The following NEGR1 variants were observed in gnomAD, a reference collection of about 807,000 sequenced individuals.
NEGR1 encodes the protein IgLON family member 4.
NEGR1 carries 10 observed loss-of-function variants against 40.9 expected under a neutral mutation model. The ratio of observed to expected loss-of-function variants is 0.24; its 90% confidence interval spans 0.15 to 0.42. The LOEUF is 0.42. Among genes scored for constraint, NEGR1 ranks in the 10% least tolerant of loss-of-function variants. NEGR1 has a pLI of 1.00. For synonymous variants in NEGR1, 185 were observed against 166.8 expected, an observed-to-expected ratio of 1.11 and a Z score of -0.84; for missense variants, 352 against 438.9, an observed-to-expected ratio of 0.80 and a Z score of 1.77.
At chr1:71,829,873 T>C (rs919618625) in intron 2 of NEGR1, among the ~76,000 whole-genome samples, 1 of 151,974 alleles carries the variant, frequency 6.6e-6, no homozygotes, top group African/African-American at 2.4e-5. Flanking sequence ...GCACAGCCTT[T>C]TATTACTTAA....
intron 1 of NEGR1, among the ~76,000 whole-genome samples, chr1:72,089,245 C>T (rs1648357065): frequency 6.6e-6 from 1 of 152,106 alleles, no homozygotes; most frequent in Non-Finnish European, 1.5e-5. Flanking sequence ...CTAGCTACCA[C>T]TTATAACAAC....
At chr1:71,529,272 G>A (rs1039872558) in intron 6 of NEGR1, among the ~76,000 whole-genome samples, 1 of 151,186 alleles carries the variant, frequency 6.6e-6, no homozygotes, top group Non-Finnish European at 1.5e-5. Context: ...ATGAAGCTAA[G>A]TGAATACTGG....
intron 3 of NEGR1, among the ~76,000 whole-genome samples, chr1:71,761,363 C>A (rs557978767): frequency 6.6e-6 from 1 of 152,224 alleles, no homozygotes; most frequent in African/African-American, 2.4e-5. Context: ...GACACTTTGG[C>A]CCATAGGCTT....
chr1:71,471,613 C>T (rs144719760), intron 6 of NEGR1, among the ~76,000 whole-genome samples: 1,883 of 151,966 alleles, frequency 0.012, 44 homozygotes, highest in African/African-American at 0.044. Context: ...CCAGCCTGGG[C>T]GACAGAGTGA....
At chr1:71,937,538 A>G (rs989695765) in intron 1 of NEGR1, among the ~76,000 whole-genome samples, 1 of 152,212 alleles carries the variant, frequency 6.6e-6, no homozygotes, top group Non-Finnish European at 1.5e-5. Flanking sequence ...CTTGATCACT[A>G]GAAAATAAAT....
intron 1 of NEGR1, among the ~76,000 whole-genome samples, chr1:71,946,160 C>A (rs1193121833): frequency 6.6e-6 from 1 of 152,060 alleles, no homozygotes; most frequent in Non-Finnish European, 1.5e-5. Context: ...GCGATCCACC[C>A]GCCTTAGCCT....
At chr1:72,190,933 T>G (rs938212863) in intron 1 of NEGR1, among the ~76,000 whole-genome samples, 2 of 151,738 alleles carry the variant, frequency 1.3e-5, no homozygotes, top group Non-Finnish European at 3.0e-5. Context: ...ACTCTTTAGT[T>G]TTTATTTCAC....
At chr1:71,836,436 A>C (rs1007172630) in intron 2 of NEGR1, among the ~76,000 whole-genome samples, 3 of 146,252 alleles carry the variant, frequency 2.1e-5, no homozygotes, top group African/African-American at 7.5e-5. Flanking sequence ...CTCAAAAAAA[A>C]AACAAAAAAA....
Position 71,510,200 on chromosome 1 carries a change from T to C in NEGR1, c.940+82617A>G, listed in dbSNP as rs529635885. ...CAGTGGGATGTTGTATTATCCCTTG[T>C]GTAAGGGGACTAGCACAGAGATTAA... On this transcript the variant is annotated intron_variant, in intron 6 of 6. Coordinates refer to ENST00000357731, the MANE Select transcript of NEGR1 (RefSeq NM_173808.3). 5.9e-5 allele frequency among the ~76,000 whole-genome samples: 9 copies of C among 152,330 alleles called. No homozygotes were observed. The South Asian group carries it at 1.7e-3, about 28-fold the overall frequency.
At position 72,070,520 on chromosome 1, in the gene NEGR1, A is replaced by G. The variant is rs370847512; in HGVS notation, c.177-135209T>C. ...GTAGTAGAAGTTTTGGAAATGATAA[A>G]AAATAGAGAGCTATATTTATGAAGT... is the stretch of plus-strand genomic sequence containing the variant. On this transcript the variant is annotated intron_variant, in intron 1 of 6. Coordinates refer to ENST00000357731, the MANE Select transcript of NEGR1 (RefSeq NM_173808.3). 4.6e-5 allele frequency among the ~76,000 whole-genome samples: 7 copies of G among 152,068 alleles called. No homozygotes were observed. In the South Asian group the frequency reaches 8.3e-4, roughly 18 times the overall value.
chr1:71,401,479 T>C lies in NEGR1; in HGVS notation c.*5967A>G, dbSNP rs1052454620. ...AACTAAGTGGTGATATCCATAGGAT[T>C]TGTATTATATTCATATTTTGAAAAC... On this transcript the variant is annotated 3_prime_UTR_variant, in exon 7 of 7. Transcript: ENST00000357731. The C allele has an allele frequency of 6.6e-6, 1 of 152,232 alleles. No individual in the cohort carries two copies. The highest frequency in any genetic ancestry group is 2.4e-5 in the African/African-American group (1 of 41,464). The allele number at this position is 152,232 out of a possible 1,614,324, so 9.4% of individuals were successfully genotyped here. A position where few individuals can be genotyped will look rare whatever the true frequency, so the allele number is the denominator to read the frequency against.
At chr1:71,863,164 C>G (rs1660001537) in intron 2 of NEGR1, among the ~76,000 whole-genome samples, 1 of 152,108 alleles carries the variant, frequency 6.6e-6, no homozygotes, top group Non-Finnish European at 1.5e-5. Context: ...TTCATTGCAG[C>G]ATTATTCACA....
chr1:71,747,832 C>CTT (rs5775088), intron 3 of NEGR1, among the ~76,000 whole-genome samples: 4,410 of 145,486 alleles, frequency 0.03, 98 homozygotes, highest in South Asian at 0.068. Context: ...CATCCTTCAC[C>CTT]TTTTTTTTTT....
At chr1:71,676,719 G>A (rs1303618146) in intron 4 of NEGR1, among the ~76,000 whole-genome samples, 1 of 152,118 alleles carries the variant, frequency 6.6e-6, no homozygotes, top group African/African-American at 2.4e-5. Context: ...ATAGCTGTCT[G>A]ATAAAACAGA....
At chr1:71,448,502 G>A (rs549370697) in intron 6 of NEGR1, among the ~76,000 whole-genome samples, 2 of 152,260 alleles carry the variant, frequency 1.3e-5, no homozygotes, top group South Asian at 2.1e-4. Context: ...AGGAGGCTGC[G>A]GCAGGAGAAT....
At chr1:71,447,111 C>T (rs1646587526) in intron 6 of NEGR1, among the ~76,000 whole-genome samples, 1 of 152,196 alleles carries the variant, frequency 6.6e-6, no homozygotes, top group Non-Finnish European at 1.5e-5. Context: ...AGGCAGCGGG[C>T]CTTACTGTCT....
At chr1:71,672,887 C>A (rs1010445996) in intron 4 of NEGR1, among the ~76,000 whole-genome samples, 1 of 152,090 alleles carries the variant, frequency 6.6e-6, no homozygotes, top group African/African-American at 2.4e-5. Flanking sequence ...CACCTAACGG[C>A]TTGGCGGGAT....
At chr1:71,525,404 C>T (rs1647205162) in intron 6 of NEGR1, among the ~76,000 whole-genome samples, 1 of 151,644 alleles carries the variant, frequency 6.6e-6, no homozygotes, top group South Asian at 2.1e-4. Context: ...TAAATCTGGC[C>T]TCTATGCTGG....
chr1:72,058,620 C>A (rs1647134471), intron 1 of NEGR1, among the ~76,000 whole-genome samples: 1 of 151,608 alleles, frequency 6.6e-6, no homozygotes, highest in African/African-American at 2.4e-5. Flanking sequence ...TCTTGATGAG[C>A]TAGGCATCTG....
Sources: gnomAD v4.1 joint callset for allele counts (sites outside exome capture counted in the v4.1 genomes callset) on GRCh38, gnomAD v4.1.1 for gene constraint, MANE v1.5 for transcripts, NCBI Gene and HGNC (gene_info 2026-07-23, HGNC 2026-07-21) for gene names.